PCCA: variants seen among roughly 807,000 people sequenced by gnomAD.
PCCA encodes the protein propionyl-CoA carboxylase alpha chain, mitochondrial.
A neutral mutation model predicts 101.3 loss-of-function variants in PCCA; 74 were observed. That is an observed-to-expected ratio of 0.73 (90% CI 0.61 to 0.89). PCCA has a LOEUF of 0.89. PCCA is among the 40% of genes least tolerant of loss of function. PCCA has a pLI of 0.00. For synonymous variants in PCCA, 294 were observed against 313.6 expected, an observed-to-expected ratio of 0.94 and a Z score of 0.66; for missense variants, 891 against 907.0, an observed-to-expected ratio of 0.98 and a Z score of 0.23.
At chr13:100,200,617 AAT>A (rs1167100980) in intron 6 of PCCA, among the ~76,000 whole-genome samples, 3 of 150,574 alleles carry the variant, frequency 2.0e-5, no homozygotes, top group Admixed American at 6.6e-5. Context: ...CTTATAATAC[AAT>A]ATGTTATCTT....
At chr13:100,391,464 A>G (rs1156527458) in intron 19 of PCCA, among the ~76,000 whole-genome samples, 3 of 152,148 alleles carry the variant, frequency 2.0e-5, no homozygotes, top group African/African-American at 7.2e-5. Flanking sequence ...TAAACACAAC[A>G]GAAGGGCTAG....
chr13:100,303,109 A>G, intron 14 of PCCA, 111 bp downstream of exon 14: 1 of 777,896 alleles, frequency 1.3e-6, no homozygotes, highest in South Asian at 1.4e-5. Context: ...GACAAGTGAA[A>G]TTCATGGGAA....
At chr13:100,241,231 A>G (rs926445429) in intron 8 of PCCA, among the ~76,000 whole-genome samples, 12 of 152,176 alleles carry the variant, frequency 7.9e-5, no homozygotes, top group African/African-American at 2.9e-4. Flanking sequence ...CTCTGTACTC[A>G]TTAGTATGTA....
In PCCA at chr13:100,296,195, AAAAC is replaced by A. The variant is rs1255277773; in HGVS notation, c.1066-5262_1066-5259del. Among the ~76,000 whole-genome samples, 4 of 152,184 alleles carry A rather than the reference AAAAC, an allele frequency of 2.6e-5. No homozygotes were observed. The East Asian group carries it at 7.7e-4, about 29-fold the overall frequency. ...TTTTTAATAATGTTTTATAATATGA[AAAAC>A]AAGTCTTTCTAGGGACACTATTTTT... On this transcript the variant is annotated intron_variant, in intron 12 of 23. Coordinates refer to ENST00000376285, the MANE Select transcript of PCCA (RefSeq NM_000282.4).
chr13:100,376,460 C>G (rs2075907644), intron 19 of PCCA, among the ~76,000 whole-genome samples: 1 of 152,200 alleles, frequency 6.6e-6, no homozygotes, highest in Admixed American at 6.5e-5. Context: ...GCTGCCCCTT[C>G]CCCCAGGTAC....
chr13:100,123,255 A>G (rs1317517738), intron 4 of PCCA, among the ~76,000 whole-genome samples: 1 of 152,146 alleles, frequency 6.6e-6, no homozygotes, highest in Non-Finnish European at 1.5e-5. Flanking sequence ...GGGTTTCACC[A>G]TATTGGCCAG....
chr13:100,501,524 C>T (rs1314726984), intron 21 of PCCA, among the ~76,000 whole-genome samples: 1 of 152,170 alleles, frequency 6.6e-6, no homozygotes, highest in Non-Finnish European at 1.5e-5. Flanking sequence ...CTTCTGTTCA[C>T]CCACAGTGTG....
intron 7 of PCCA, among the ~76,000 whole-genome samples, chr13:100,218,046 G>T (rs1185286839): frequency 6.7e-6 from 1 of 149,220 alleles, no homozygotes; most frequent in African/African-American, 2.5e-5. Context: ...CTGCACTCCA[G>T]CCTGGGCAAC....
chr13:100,352,274 TTTAGAG>T (rs2073355955), intron 18 of PCCA, among the ~76,000 whole-genome samples: 1 of 152,200 alleles, frequency 6.6e-6, no homozygotes, highest in African/African-American at 2.4e-5. Context: ...AGAGACACAC[TTTAGAG>T]TTAAAGGCAT....
At chr13:100,426,589 C>A (rs1432777710) in intron 20 of PCCA, among the ~76,000 whole-genome samples, 1 of 152,160 alleles carries the variant, frequency 6.6e-6, no homozygotes, top group Non-Finnish European at 1.5e-5. Context: ...GGATAGTGGA[C>A]ATCAGAATCC....
chr13:100,488,620 GTTTTTTTGTTTTGTTTTTT>G (rs1401357061), intron 21 of PCCA, among the ~76,000 whole-genome samples: 37 of 121,708 alleles, frequency 3.0e-4, no homozygotes, highest in South Asian at 3.0e-3. Context: ...TACAAGTTTT[GTTTTTTTGTTTTGTTTTTT>G]TTTTGTTTTT....
chr13:100,294,105 C>T (rs1399191963), intron 12 of PCCA, among the ~76,000 whole-genome samples: 1 of 152,142 alleles, frequency 6.6e-6, no homozygotes, highest in East Asian at 1.9e-4. Context: ...CTTTTGGAGG[C>T]CTTTCTCGTT....
intron 20 of PCCA, among the ~76,000 whole-genome samples, chr13:100,443,882 T>C (rs1170648381): frequency 6.6e-6 from 1 of 152,146 alleles, no homozygotes; most frequent in Admixed American, 6.5e-5. Flanking sequence ...TGAATGATTG[T>C]AGTGGTGTTT....
intron 21 of PCCA, among the ~76,000 whole-genome samples, chr13:100,470,433 C>T (rs1208686405): frequency 6.6e-6 from 1 of 152,106 alleles, no homozygotes. Flanking sequence ...GCAGCTGCCT[C>T]GTCTAAATCA....
At chr13:100,296,552 G>T (rs991756472) in intron 12 of PCCA, among the ~76,000 whole-genome samples, 2 of 151,978 alleles carry the variant, frequency 1.3e-5, no homozygotes, top group South Asian at 4.2e-4. Flanking sequence ...GTACCCTGAC[G>T]TATTTTTCTT....
At chr13:100,251,083 A>C (rs181706269) in intron 8 of PCCA, among the ~76,000 whole-genome samples, 11 of 152,194 alleles carry the variant, frequency 7.2e-5, no homozygotes, top group Non-Finnish European at 1.2e-4. Context: ...GAGTTCTGCT[A>C]GTAGGCCAGT....
intron 12 of PCCA, among the ~76,000 whole-genome samples, chr13:100,276,540 G>A (rs574245035): frequency 4.5e-4 from 69 of 152,144 alleles, no homozygotes; most frequent in Middle Eastern, 3.4e-3. Context: ...ATACACAGAT[G>A]AATAAACCTA....
intron 21 of PCCA, among the ~76,000 whole-genome samples, chr13:100,486,712 C>T (rs1223023689): frequency 6.6e-6 from 1 of 152,058 alleles, no homozygotes; most frequent in Non-Finnish European, 1.5e-5. Flanking sequence ...CAGGAGTTTG[C>T]GACTAGACTG....
chr13:100,218,542 TG>T (rs1462378995), intron 7 of PCCA, among the ~76,000 whole-genome samples: 2 of 152,152 alleles, frequency 1.3e-5, no homozygotes, highest in African/African-American at 2.4e-5. Context: ...CTGGGTCATG[TG>T]GTAATTCTTT....
Sources: gnomAD v4.1 joint callset for allele counts (sites outside exome capture counted in the v4.1 genomes callset) on GRCh38, gnomAD v4.1.1 for gene constraint, MANE v1.5 for transcripts, NCBI Gene and HGNC (gene_info 2026-07-23, HGNC 2026-07-21) for gene names.